STEAP4: variants seen among roughly 807,000 people sequenced by gnomAD.
STEAP4 encodes the protein metalloreductase STEAP4.
In STEAP4, 36 loss-of-function variants were observed where a neutral mutation model predicts 43.6. The observed-to-expected ratio is 0.83, with a 90% CI of 0.63 to 1.09. STEAP4 has a LOEUF of 1.09. Among genes scored for constraint, STEAP4 ranks in the 50% least tolerant of loss-of-function variants. The pLI is 0.00. For synonymous variants in STEAP4, 191 were observed against 196.7 expected, an observed-to-expected ratio of 0.97 and a Z score of 0.24; for missense variants, 495 against 546.5, an observed-to-expected ratio of 0.91 and a Z score of 0.94.
At position 88,280,820 on chromosome 7, in the gene STEAP4, T is replaced by C. The variant is rs572890936; in HGVS notation, c.1149+95A>G. On this transcript the variant is annotated intron_variant, in intron 4 of 4. Transcript: ENST00000380079. ...CATTATGGATTCTGCCTTTTGTACC[T>C]GGGTTCAACATTTTCTAATTTGAAT... 20 of 1,289,458 alleles carry C rather than the reference T, an allele frequency of 1.6e-5. 2 individuals are homozygous for C. Among genetic ancestry groups the C allele is most frequent in the Middle Eastern group, 3.9e-4 (2 of 5,168 alleles). 79.9% of individuals were successfully genotyped at this position (1,289,458 alleles called of 1,614,324 possible).
At position 88,278,226 on chromosome 7, in the gene STEAP4, A is replaced by T. The variant is rs1212200685; in HGVS notation, c.*1172T>A. On this transcript the variant is annotated 3_prime_UTR_variant, in exon 5 of 5. Coordinates refer to ENST00000380079, the MANE Select transcript of STEAP4 (RefSeq NM_024636.4). ...AGGTCACCTTGGAAAGGGTACTATC[A>T]GCACAGAAAAACAGTGAGAACCATC... 1 of 152,186 alleles carries T rather than the reference A, an allele frequency of 6.6e-6. No homozygotes were observed. Among genetic ancestry groups the T allele is most frequent in the Non-Finnish European group, 1.5e-5 (1 of 68,024 alleles). The allele number at this position is 152,186 out of a possible 1,614,324, so 9.4% of individuals were successfully genotyped here.
In STEAP4 at chr7:88,306,840, G is replaced by C. The variant is rs965218913; in HGVS notation, c.-51C>G. The C allele has an allele frequency of 6.6e-6, 1 of 152,390 alleles. No homozygotes were observed. The highest frequency in any genetic ancestry group is 1.5e-5 in the Non-Finnish European group (1 of 68,196). 9.4% of individuals were successfully genotyped at this position (152,390 alleles called of 1,614,324 possible). On this transcript the variant is annotated 5_prime_UTR_variant, in exon 1 of 5. Coordinates refer to ENST00000380079, the MANE Select transcript of STEAP4 (RefSeq NM_024636.4). ...AGGAAGCGTCCAGCGCCAACGGTGC[G>C]CGCCGCGGGCCGGGCGGGTAGAGGG...
chr7:88,301,368 G>T (rs1282414838), intron 1 of STEAP4, among the ~76,000 whole-genome samples: 1 of 152,128 alleles, frequency 6.6e-6, no homozygotes, highest in East Asian at 1.9e-4. Flanking sequence ...GACCTCCCAG[G>T]CTCAAGAGAT....
intron 1 of STEAP4, among the ~76,000 whole-genome samples, chr7:88,288,038 A>T (rs1207845435): frequency 6.6e-6 from 1 of 152,184 alleles, no homozygotes; most frequent in East Asian, 1.9e-4. Context: ...TCACTGTCAT[A>T]ATTTCTTCAG....
At position 88,273,096 on chromosome 7, in the gene STEAP4, A is replaced by G. The variant is rs1335075309; in HGVS notation, c.*6302T>C. ...GTGTAATTAGCATATCCATCATTGC[A>G]AACATTTATCATTTCTTTGTGTTGG... On this transcript the variant is annotated 3_prime_UTR_variant, in exon 5 of 5. Transcript: ENST00000380079. 2.0e-5 allele frequency: 3 copies of G among 152,248 alleles called. No individual in the cohort carries two copies. The highest frequency in any genetic ancestry group is 4.4e-5 in the Non-Finnish European group (3 of 68,034). The allele number at this position is 152,248 out of a possible 1,614,324, so 9.4% of individuals were successfully genotyped here.
chr7:88,285,807 A>T (rs1852723293), intron 1 of STEAP4, among the ~76,000 whole-genome samples: 1 of 151,720 alleles, frequency 6.6e-6, no homozygotes, highest in Admixed American at 6.6e-5. Flanking sequence ...AAAGTAGAAA[A>T]ATTTTAATGA....
Position 88,283,862 on chromosome 7 carries a change from G to T in STEAP4, c.408C>A (p.Thr136=). Residue 136 remains threonine (T), a synonymous_variant, in exon 2 of 5, where the codon ACC becomes ACA. Transcript: ENST00000380079. ...CTGACTGGAGAGCCCAGGCTGAGAT[G>T]GTGTTAAATGCTTTTACCACGTGGG... ...PGAHVVKAFN[T]ISAWALQSGA... 1.2e-6 allele frequency: 2 copies of T among 1,614,098 alleles called. No homozygotes were observed. The highest frequency in any genetic ancestry group is 1.7e-6 in the Non-Finnish European group (2 of 1,180,006).
At chr7:88,291,232 T>A (rs1305224525) in intron 1 of STEAP4, among the ~76,000 whole-genome samples, 1 of 152,016 alleles carries the variant, frequency 6.6e-6, no homozygotes, top group Non-Finnish European at 1.5e-5. Flanking sequence ...TTCTTATAAA[T>A]AAAACTCTAT....
rs997853778 is a variant in STEAP4 at position 88,275,777 on chromosome 7, A to G, written c.*3621T>C. ...TTTTATGCTCTCAGAGGTGAAATGC[A>G]TAATATGCATTTATCATTATCATGG... On this transcript the variant is annotated 3_prime_UTR_variant, in exon 5 of 5. Transcript: ENST00000380079. 7 of 152,280 alleles carry G rather than the reference A, an allele frequency of 4.6e-5. No individual in the cohort carries two copies. The highest frequency in any genetic ancestry group is 1.7e-4 in the African/African-American group (7 of 41,554). The allele number at this position is 152,280 out of a possible 1,614,324, so 9.4% of individuals were successfully genotyped here.
At chr7:88,285,686 C>A (rs187617712) in intron 1 of STEAP4, among the ~76,000 whole-genome samples, 1 of 147,066 alleles carries the variant, frequency 6.8e-6, no homozygotes, top group Admixed American at 6.9e-5. Context: ...TGTGTTGACA[C>A]GCGCCTGTAA....
At chr7:88,303,465 C>T (rs920237430) in intron 1 of STEAP4, among the ~76,000 whole-genome samples, 3 of 148,216 alleles carry the variant, frequency 2.0e-5, no homozygotes, top group Non-Finnish European at 4.4e-5. Context: ...CACTGCACTC[C>T]AGCCTGGGTG....
In STEAP4 at chr7:88,273,661, G is replaced by T. The variant is rs28515488; in HGVS notation, c.*5737C>A. 273 of 152,292 alleles carry T rather than the reference G, an allele frequency of 1.8e-3. No homozygotes were observed. Among genetic ancestry groups the T allele is most frequent in the African/African-American group, 6.4e-3 (266 of 41,564 alleles). 9.4% of individuals were successfully genotyped at this position (152,292 alleles called of 1,614,324 possible). On this transcript the variant is annotated 3_prime_UTR_variant, in exon 5 of 5. Transcript: ENST00000380079. ...AATAAGGTGAGAAACCAGGGAAAAAGAAAATATTTGCCTTTAAGCTCTGGA... is the reference window on the plus strand; with the variant it reads ...AATAAGGTGAGAAACCAGGGAAAAATAAAATATTTGCCTTTAAGCTCTGGA...
chr7:88,291,911 G>A (rs1009529882), intron 1 of STEAP4, among the ~76,000 whole-genome samples: 118 of 152,122 alleles, frequency 7.8e-4, no homozygotes, highest in African/African-American at 2.7e-3. Flanking sequence ...AAATCTGCAG[G>A]ACTGGTTTTG....
intron 1 of STEAP4, among the ~76,000 whole-genome samples, chr7:88,288,430 A>G (rs1224689064): frequency 6.6e-6 from 1 of 152,198 alleles, no homozygotes; most frequent in Non-Finnish European, 1.5e-5. Context: ...TCAGCCTCCC[A>G]AAGTCCTGGG....
At position 88,276,191 on chromosome 7, in the gene STEAP4, A is replaced by G. The variant is rs1852510892; in HGVS notation, c.*3207T>C. 3 of 152,224 alleles carry G rather than the reference A, an allele frequency of 2.0e-5. No homozygotes were observed. The South Asian group carries it at 6.2e-4, about 32-fold the overall frequency. 9.4% of individuals were successfully genotyped at this position (152,224 alleles called of 1,614,324 possible). ...TGATGCTCTCCCCTCTCTGAGGGTA[A>G]TACTGAAGCACACACAGCATACTGG... On this transcript the variant is annotated 3_prime_UTR_variant, in exon 5 of 5. Transcript: ENST00000380079.
intron 1 of STEAP4, among the ~76,000 whole-genome samples, chr7:88,300,427 G>A (rs542407406): frequency 1.5e-4 from 23 of 152,070 alleles, no homozygotes; most frequent in Non-Finnish European, 2.8e-4. Context: ...TGGCCAGGCT[G>A]GTTTCAAACT....
chr7:88,301,164 C>T (rs1853027317), intron 1 of STEAP4, among the ~76,000 whole-genome samples: 1 of 152,194 alleles, frequency 6.6e-6, no homozygotes, highest in South Asian at 2.1e-4. Flanking sequence ...TGCAATGAAC[C>T]ATTTACCAAC....
At chr7:88,304,176 G>T (rs1256823888) in intron 1 of STEAP4, 1 of 152,162 alleles carries the variant, frequency 6.6e-6, no homozygotes, top group African/African-American at 2.4e-5. Context: ...CACACTCTGG[G>T]GACTGTTGTG....
At position 88,279,390 on chromosome 7, in the gene STEAP4, T is replaced by C; in HGVS notation, c.*8A>G. On this transcript the variant is annotated 3_prime_UTR_variant, in exon 5 of 5. Coordinates refer to ENST00000380079, the MANE Select transcript of STEAP4 (RefSeq NM_024636.4). Reference sequence around the variant, plus strand: ...TTTTAAATATTGATTTTCCATTCAATGCTTTTTCTAGTGTTTTGAGTTCCT... The same window carrying C: ...TTTTAAATATTGATTTTCCATTCAACGCTTTTTCTAGTGTTTTGAGTTCCT... 6.2e-7 allele frequency: 1 copy of C among 1,611,164 alleles called. No individual in the cohort carries two copies. Among genetic ancestry groups the C allele is most frequent in the Non-Finnish European group, 8.5e-7 (1 of 1,177,908 alleles).
Sources: gnomAD v4.1 joint callset for allele counts (sites outside exome capture counted in the v4.1 genomes callset) on GRCh38, gnomAD v4.1.1 for gene constraint, MANE v1.5 for transcripts, NCBI Gene and HGNC (gene_info 2026-07-23, HGNC 2026-07-21) for gene names.